NTRK2: variants seen among roughly 807,000 people sequenced by gnomAD.
NTRK2 encodes the protein neurotrophic receptor tyrosine kinase 2, also known as BDNF/NT-3 growth factors receptor.
Under a neutral mutation model 94.5 loss-of-function variants are expected in NTRK2, and 13 were observed. That is an observed-to-expected ratio of 0.14 (90% CI 0.09 to 0.22). NTRK2 has a LOEUF of 0.22. NTRK2 is among the 10% of genes least tolerant of loss of function. The pLI is 1.00. For missense variants in NTRK2, 639 were observed against 1,071.2 expected (o/e 0.60, Z 5.63); for synonymous variants, 372 against 407.4 (o/e 0.91, Z 1.05).
At chr9:84,965,349 C>T (rs1564509490) in intron 17 of NTRK2, among the ~76,000 whole-genome samples, 2 of 152,082 alleles carry the variant, frequency 1.3e-5, no homozygotes, top group African/African-American at 2.4e-5. Flanking sequence ...TATTCTGTTC[C>T]CCAAGGAAAA....
At chr9:84,939,744 G>A (rs1282572719) in intron 15 of NTRK2, among the ~76,000 whole-genome samples, 1 of 152,024 alleles carries the variant, frequency 6.6e-6, no homozygotes, top group African/African-American at 2.4e-5. Flanking sequence ...GAATTTATTG[G>A]CTTCTAGAAA....
intron 8 of NTRK2, among the ~76,000 whole-genome samples, chr9:84,727,408 G>C (rs111691341): frequency 2.0e-5 from 3 of 152,160 alleles, no homozygotes; most frequent in Non-Finnish European, 4.4e-5. Flanking sequence ...GAATAGATTT[G>C]AGAAATGACT....
At chr9:84,846,319 C>T (rs986403625) in intron 12 of NTRK2, among the ~76,000 whole-genome samples, 5 of 152,214 alleles carry the variant, frequency 3.3e-5, no homozygotes, top group Non-Finnish European at 7.3e-5. Flanking sequence ...CTCTCATCGT[C>T]CCCTCCATGT....
chr9:84,920,840 A>C (rs1213340688), intron 14 of NTRK2, among the ~76,000 whole-genome samples: 1 of 152,228 alleles, frequency 6.6e-6, no homozygotes, highest in African/African-American at 2.4e-5. Context: ...AGCCATCCCC[A>C]CAGGGACAGT....
At chr9:84,758,233 T>C (rs1448668587) in intron 12 of NTRK2, among the ~76,000 whole-genome samples, 1 of 152,068 alleles carries the variant, frequency 6.6e-6, no homozygotes, top group Non-Finnish European at 1.5e-5. Flanking sequence ...TACCTTTTTA[T>C]AAAAGCAAAT....
chr9:84,932,894 T>G (rs1289016164), intron 14 of NTRK2, among the ~76,000 whole-genome samples: 1 of 152,160 alleles, frequency 6.6e-6, no homozygotes, highest in Admixed American at 6.5e-5. Context: ...ATAAATTAAG[T>G]CTCTGCTCAT....
Position 85,024,593 on chromosome 9 carries a change from G to A in NTRK2, c.*3156G>A, listed in dbSNP as rs1000518709. The A allele has an allele frequency of 2.6e-5, 6 of 232,876 alleles. No homozygotes were observed. The highest frequency in any genetic ancestry group is 3.4e-5 in the Non-Finnish European group (4 of 117,890). 14.4% of individuals were successfully genotyped at this position (232,876 alleles called of 1,614,324 possible). A position where few individuals can be genotyped will look rare whatever the true frequency, so the allele number is the denominator to read the frequency against. ...TCCAAGTACTCTCACTCTGAACTTCGTGGTTCTGTCCACTAGAGACTCTAA... is the reference window on the plus strand; with the variant it reads ...TCCAAGTACTCTCACTCTGAACTTCATGGTTCTGTCCACTAGAGACTCTAA... On this transcript the variant is annotated 3_prime_UTR_variant, in exon 19 of 19. Transcript: ENST00000277120.
chr9:84,897,756 G>C (rs2076802686), intron 14 of NTRK2, among the ~76,000 whole-genome samples: 1 of 152,212 alleles, frequency 6.6e-6, no homozygotes, highest in Non-Finnish European at 1.5e-5. Flanking sequence ...GCCTGGTCGT[G>C]CATGTGTCCC....
intron 13 of NTRK2, among the ~76,000 whole-genome samples, chr9:84,865,711 T>G (rs946931902): frequency 4.9e-4 from 75 of 152,252 alleles, no homozygotes; most frequent in African/African-American, 1.6e-3. Context: ...TTGCCTTGGC[T>G]GGGCATTTGA....
At chr9:84,746,600 C>T (rs978833173) in intron 11 of NTRK2, among the ~76,000 whole-genome samples, 7 of 152,152 alleles carry the variant, frequency 4.6e-5, no homozygotes, top group African/African-American at 1.7e-4. Flanking sequence ...AAGCCACACT[C>T]TTCATGGTGG....
At chr9:84,819,672 C>G (rs1403822605) in intron 12 of NTRK2, among the ~76,000 whole-genome samples, 1 of 152,182 alleles carries the variant, frequency 6.6e-6, no homozygotes, top group African/African-American at 2.4e-5. Context: ...CTGTTGTGTT[C>G]CCCCTGTGGA....
intron 2 of NTRK2, among the ~76,000 whole-genome samples, chr9:84,673,641 G>T (rs2058844750): frequency 6.6e-6 from 1 of 152,022 alleles, no homozygotes; most frequent in South Asian, 2.1e-4. Flanking sequence ...AACACAAATA[G>T]TGGGACATTA....
intron 14 of NTRK2, among the ~76,000 whole-genome samples, chr9:84,911,337 A>G (rs1416086888): frequency 6.6e-6 from 1 of 152,102 alleles, no homozygotes; most frequent in Non-Finnish European, 1.5e-5. Context: ...TGCTTCCTGG[A>G]TGAGACTGTG....
chr9:84,784,422 T>C (rs567463408), intron 12 of NTRK2, among the ~76,000 whole-genome samples: 1 of 152,332 alleles, frequency 6.6e-6, no homozygotes, highest in African/African-American at 2.4e-5. Context: ...TTGCTGGCTT[T>C]CCATCTTCTG....
intron 5 of NTRK2, 111 bp downstream of exon 5, chr9:84,708,023 C>A: frequency 1.2e-6 from 1 of 837,880 alleles, no homozygotes; most frequent in South Asian, 1.5e-5. Flanking sequence ...ACCAAATTCT[C>A]AAAAAATGAT....
At chr9:84,926,306 C>G (rs551865490) in intron 14 of NTRK2, among the ~76,000 whole-genome samples, 72 of 151,644 alleles carry the variant, frequency 4.7e-4, no homozygotes, top group Non-Finnish European at 9.4e-4. Flanking sequence ...GATCTCAGCT[C>G]AATGCAACCT....
chr9:84,671,938 G>A (rs571298778), intron 2 of NTRK2, among the ~76,000 whole-genome samples: 3 of 152,176 alleles, frequency 2.0e-5, no homozygotes, highest in Non-Finnish European at 4.4e-5. Flanking sequence ...CCTGAAGGAT[G>A]CTGTCATTCC....
At position 84,670,694 on chromosome 9, in the gene NTRK2, A is replaced by G; in HGVS notation, c.-55A>G. 6.3e-7 allele frequency: 1 copy of G among 1,579,430 alleles called. No homozygotes were observed. The highest frequency in any genetic ancestry group is 8.7e-7 in the Non-Finnish European group (1 of 1,155,996). Reference sequence around the variant, plus strand: ...GAAGGCCTCCCCGCACGGGTGGGGGAAAGCGGCCGGTGCAGCGCGGGGACA... The same window carrying G: ...GAAGGCCTCCCCGCACGGGTGGGGGGAAGCGGCCGGTGCAGCGCGGGGACA... On this transcript the variant is annotated 5_prime_UTR_variant, in exon 2 of 19. Transcript: ENST00000277120.
intron 17 of NTRK2, among the ~76,000 whole-genome samples, chr9:85,012,485 A>G (rs1419324259): frequency 6.6e-6 from 1 of 152,092 alleles, no homozygotes; most frequent in Non-Finnish European, 1.5e-5. Context: ...TCTCAGTTCT[A>G]TAGTTTTCTT....
Sources: gnomAD v4.1 joint callset for allele counts (sites outside exome capture counted in the v4.1 genomes callset) on GRCh38, gnomAD v4.1.1 for gene constraint, MANE v1.5 for transcripts, NCBI Gene and HGNC (gene_info 2026-07-23, HGNC 2026-07-21) for gene names.